Variants in SCAPER observed in about 807,000 individuals in gnomAD.
SCAPER encodes the protein S phase cyclin A-associated protein in the endoplasmic reticulum.
SCAPER carries 98 observed loss-of-function variants against 182.2 expected under a neutral mutation model. The observed-to-expected ratio is 0.54, with a 90% CI of 0.46 to 0.64. The LOEUF (loss-of-function observed/expected upper bound fraction) is 0.64. Ranked by LOEUF, SCAPER falls within the 30% of genes least tolerant of loss-of-function variation. The pLI is 0.00. For synonymous variants in SCAPER, 605 were observed against 564.6 expected (o/e 1.07, Z -1.01); for missense variants, 1,432 against 1,690.0 (o/e 0.85, Z 2.68).
chr15:76,354,234 G>A lies in SCAPER; in HGVS notation c.3856-94C>T, dbSNP rs7174835. The A allele has an allele frequency of 7.8e-3, 9,082 of 1,165,230 alleles. 409 individuals carry two copies. The African/African-American group carries it at 0.11, about 14-fold the overall frequency. The allele number at this position is 1,165,230 out of a possible 1,614,324, so 72.2% of individuals were successfully genotyped here. A position where few individuals can be genotyped will look rare whatever the true frequency, so the allele number is the denominator to read the frequency against. On this transcript the variant is annotated intron_variant, in intron 29 of 31. Transcript: ENST00000563290. The surrounding 1 kb of genome is among the most constrained non-coding windows in gnomAD (Gnocchi z 4.4). The stretch of plus-strand genomic sequence containing the variant: ...TGTCGGCTAGTACCATGGAAAACAT[G>A]CTGAAGGAGTGTAAAGAAAAAGACT...
chr15:76,852,689 C>T (rs1168394612), intron 4 of SCAPER, among the ~76,000 whole-genome samples: 1 of 152,108 alleles, frequency 6.6e-6, no homozygotes, highest in African/African-American at 2.4e-5. Context: ...CCAGCTAAGG[C>T]AATGTTAAGA....
At chr15:76,823,782 A>C (rs1490524411) in intron 5 of SCAPER, among the ~76,000 whole-genome samples, 1 of 152,116 alleles carries the variant, frequency 6.6e-6, no homozygotes, top group African/African-American at 2.4e-5. Flanking sequence ...TCCTTCCCTC[A>C]ATTCTACTAA....
chr15:76,430,918 G>A (rs1266523261), intron 26 of SCAPER, among the ~76,000 whole-genome samples: 8 of 152,158 alleles, frequency 5.3e-5, no homozygotes, highest in Admixed American at 5.2e-4. Flanking sequence ...TGCTTTGGGA[G>A]GGACCCGGTG....
chr15:76,417,075 A>G (rs1307092651), intron 26 of SCAPER, among the ~76,000 whole-genome samples: 7 of 152,130 alleles, frequency 4.6e-5, no homozygotes, highest in African/African-American at 1.7e-4. Context: ...CTAAAAAAAT[A>G]AAAAATAAAG....
chr15:76,377,990 CAAAT>C (rs1206765915), intron 28 of SCAPER, among the ~76,000 whole-genome samples: 1 of 152,186 alleles, frequency 6.6e-6, no homozygotes, highest in African/African-American at 2.4e-5. Flanking sequence ...ATTTAATCCT[CAAAT>C]AGTCTTGTGA....
At chr15:76,891,939 T>C (rs1459714308) in intron 1 of SCAPER, among the ~76,000 whole-genome samples, 1 of 152,134 alleles carries the variant, frequency 6.6e-6, no homozygotes, top group Non-Finnish European at 1.5e-5. Flanking sequence ...ACTACAAGGC[T>C]ACAGTAACCA....
chr15:76,552,307 G>A (rs2045845672), intron 23 of SCAPER, among the ~76,000 whole-genome samples: 1 of 152,032 alleles, frequency 6.6e-6, no homozygotes, highest in South Asian at 2.1e-4. Flanking sequence ...AATAAGAGAG[G>A]AATTCAAGAT....
At chr15:76,709,001 G>C (rs541151644) in intron 17 of SCAPER, among the ~76,000 whole-genome samples, 1 of 152,124 alleles carries the variant, frequency 6.6e-6, no homozygotes, top group Non-Finnish European at 1.5e-5. Flanking sequence ...GGTAGGGGGA[G>C]ATTATGGTGA....
chr15:76,787,547 A>G (rs865784431), intron 8 of SCAPER, among the ~76,000 whole-genome samples: 1 of 152,086 alleles, frequency 6.6e-6, no homozygotes, highest in Non-Finnish European at 1.5e-5. Flanking sequence ...GCTGGATGTG[A>G]ACCTCTAGAC....
At chr15:76,566,242 TG>T (rs973368016) in intron 23 of SCAPER, among the ~76,000 whole-genome samples, 1 of 152,176 alleles carries the variant, frequency 6.6e-6, no homozygotes, top group East Asian at 1.9e-4. Flanking sequence ...TATCGGTGAA[TG>T]GAATTTTACA....
At chr15:76,771,557 CTCT>C (rs1049810500) in intron 10 of SCAPER, among the ~76,000 whole-genome samples, 182 bp downstream of exon 10, 3 of 152,054 alleles carry the variant, frequency 2.0e-5, no homozygotes, top group African/African-American at 7.2e-5. Flanking sequence ...CACTTTCTTC[CTCT>C]AAAAAATAAG....
At chr15:76,527,690 T>C (rs1305262735) in intron 23 of SCAPER, among the ~76,000 whole-genome samples, 1 of 152,254 alleles carries the variant, frequency 6.6e-6, no homozygotes, top group African/African-American at 2.4e-5. Context: ...CACAACAGTC[T>C]GCCTCCGGAC....
chr15:76,726,546 C>T (rs56116678), intron 17 of SCAPER, among the ~76,000 whole-genome samples: 13,237 of 151,796 alleles, frequency 0.087, 693 homozygotes, highest in African/African-American at 0.13. Flanking sequence ...TTGTAACACC[C>T]GTGTTTATAG....
rs763241150 is a variant in SCAPER at position 76,471,315 on chromosome 15, T to C, written c.2975A>G (p.Asn992Ser). The C allele has an allele frequency of 2.5e-5, 40 of 1,610,352 alleles. No homozygotes were observed. Among genetic ancestry groups the C allele is most frequent in the South Asian group, 1.2e-4 (11 of 90,382 alleles). ...GTTATTGCAGGTGAGGTTGTAAACA[T>C]TGATTGCATTGCAGAGAGACCTAAA... ...IPPKSLCNAI[N>S]VYNLTCNNCS... The change falls in exon 25 of 32, where the codon AAT (asparagine) becomes AGT (serine). Residue 992 changes from asparagine (N) to serine (S), a missense_variant. Asn to Ser is a conservative substitution (Grantham distance 46, BLOSUM62 1). Around this residue, in one of 5 missense-constraint regions of SCAPER, gnomAD observed 718 missense variants for 799.7 expected, o/e 0.90. Coordinates refer to ENST00000563290, the MANE Select transcript of SCAPER (RefSeq NM_020843.4).
At chr15:76,664,110 G>A (rs1397604033) in intron 21 of SCAPER, among the ~76,000 whole-genome samples, 1 of 152,146 alleles carries the variant, frequency 6.6e-6, no homozygotes, top group Non-Finnish European at 1.5e-5. Flanking sequence ...AACCTTCTAG[G>A]AAGAGGAAAC....
At chr15:76,388,787 T>C (rs542308521) in intron 27 of SCAPER, among the ~76,000 whole-genome samples, 37 of 151,824 alleles carry the variant, frequency 2.4e-4, no homozygotes, top group Non-Finnish European at 4.7e-4. Context: ...GGTGAAACCC[T>C]GTCTCTACTA....
chr15:76,447,360 A>G (rs2048071772), intron 25 of SCAPER, among the ~76,000 whole-genome samples: 2 of 152,156 alleles, frequency 1.3e-5, no homozygotes, highest in African/African-American at 4.8e-5. Context: ...AATTCATCAA[A>G]CCCAAGGAAA....
At chr15:76,685,052 T>C (rs891714487) in intron 20 of SCAPER, among the ~76,000 whole-genome samples, 2 of 151,980 alleles carry the variant, frequency 1.3e-5, no homozygotes, top group African/African-American at 4.8e-5. Flanking sequence ...AGTAATGAAT[T>C]AGGGTTATTC....
chr15:76,784,889 T>A (rs968506630), intron 8 of SCAPER, among the ~76,000 whole-genome samples: 2 of 152,182 alleles, frequency 1.3e-5, no homozygotes, highest in African/African-American at 4.8e-5. Context: ...TCAAGATGGA[T>A]TAAAGACTTA....
Sources: allele counts gnomAD v4.1 joint callset (sites outside exome capture counted in the v4.1 genomes callset), GRCh38; gene constraint gnomAD v4.1.1; regional missense constraint gnomAD v4.1.1; non-coding constraint Gnocchi (gnomAD v3.1); transcripts MANE v1.5; gene names NCBI Gene and HGNC (gene_info 2026-07-23, HGNC 2026-07-21).